The following PHF14 variants were observed in gnomAD, a reference collection of about 807,000 sequenced individuals.
The protein encoded by PHF14 is PHD finger protein 14.
Under a neutral mutation model 117.9 loss-of-function variants are expected in PHF14, and 55 were observed. The observed-to-expected ratio is 0.47, with a 90% CI of 0.38 to 0.58. The LOEUF (loss-of-function observed/expected upper bound fraction) is 0.58. PHF14 is among the 20% of genes least tolerant of loss of function. PHF14 has a pLI of 0.00. For missense variants in PHF14, 978 were observed against 1,122.2 expected (o/e 0.87, Z 1.84); for synonymous variants, 409 against 368.6 (o/e 1.11, Z -1.26).
chr7:11,106,735 ATT>A (rs1330698116), intron 16 of PHF14: 52 of 983,772 alleles, frequency 5.3e-5, no homozygotes, highest in Non-Finnish European at 6.3e-5. Flanking sequence ...TTCAAGACTA[ATT>A]TTTTTGAACA....
At chr7:11,163,102 T>G (rs1009996428) in intron 17 of PHF14, among the ~76,000 whole-genome samples, 1 of 152,144 alleles carries the variant, frequency 6.6e-6, no homozygotes, top group Non-Finnish European at 1.5e-5. Context: ...TAAAGGGAGA[T>G]CTCTTTGATT....
chr7:11,104,431 C>T, intron 16 of PHF14: 4 of 957,424 alleles, frequency 4.2e-6, no homozygotes, highest in Non-Finnish European at 5.0e-6. Context: ...TAAAATTATT[C>T]CGTGTCCATA....
chr7:11,007,191 C>A (rs1000511035), intron 4 of PHF14, among the ~76,000 whole-genome samples: 39 of 151,292 alleles, frequency 2.6e-4, no homozygotes, highest in African/African-American at 9.2e-4. Flanking sequence ...GAAACTCCGT[C>A]TCACAAAAAA....
chr7:10,976,464 G>A (rs989557658), intron 2 of PHF14, among the ~76,000 whole-genome samples: 3 of 152,064 alleles, frequency 2.0e-5, no homozygotes, highest in Non-Finnish European at 2.9e-5. Context: ...TAGTTGGGTC[G>A]TGGAAGTTAC....
chr7:11,125,456 G>C (rs551145916), intron 17 of PHF14, among the ~76,000 whole-genome samples: 25 of 152,138 alleles, frequency 1.6e-4, no homozygotes, highest in African/African-American at 5.8e-4. Context: ...GCTTCTAAGT[G>C]TATTGAGTAT....
chr7:11,079,631 G>A (rs943873951), intron 16 of PHF14, among the ~76,000 whole-genome samples: 3 of 152,112 alleles, frequency 2.0e-5, no homozygotes, highest in African/African-American at 7.2e-5. Flanking sequence ...TAGGATAGAA[G>A]TGTAGGGGAA....
intron 16 of PHF14, among the ~76,000 whole-genome samples, chr7:11,068,216 T>C (rs917699781): frequency 3.3e-5 from 5 of 151,272 alleles, no homozygotes; most frequent in African/African-American, 9.8e-5. Flanking sequence ...TCTGGCATGG[T>C]GGTGGGCACC....
At chr7:10,982,307 GTT>G in intron 2 of PHF14, 63 bp from the exon 3 acceptor site, 1 of 1,025,810 alleles carries the variant, frequency 9.7e-7, no homozygotes, top group Non-Finnish European at 1.4e-6. Context: ...TTGTGTCAGC[GTT>G]GTGTGTGTGT....
intron 10 of PHF14, 62 bp from the exon 11 acceptor site, chr7:11,038,698 G>T: frequency 1.6e-6 from 1 of 613,384 alleles, no homozygotes; most frequent in Non-Finnish European, 2.8e-6. Flanking sequence ...GAATAGAAAT[G>T]TAGATATTTC....
chr7:10,983,033 T>A lies in PHF14; in HGVS notation c.774T>A (p.Asp258Glu). The change falls in exon 3 of 18, where the codon GAT becomes GAA. Residue 258 changes from aspartate (D) to glutamate (E), a missense_variant. Asp to Glu is a conservative substitution (Grantham distance 45). Around this residue, in one of 7 missense-constraint regions of PHF14, gnomAD observed 414 missense variants for 376.4 expected, o/e 1.10. Transcript: ENST00000634607. ...EDENDEGNDEDHSSPASEGGC... is the reference protein window; with the variant it reads ...EDENDEGNDEEHSSPASEGGC... The stretch of plus-strand genomic sequence containing the variant: ...AGAATGATGAAGGCAATGATGAAGA[T>A]CATAGTAGCCCTGCCAGTGAAGGGG... 6.3e-7 allele frequency: 1 copy of A among 1,589,704 alleles called. No homozygotes were observed. Among genetic ancestry groups the A allele is most frequent in the South Asian group, 1.1e-5 (1 of 88,910 alleles).
chr7:10,977,497 A>C (rs1781907776), intron 2 of PHF14, among the ~76,000 whole-genome samples: 1 of 152,162 alleles, frequency 6.6e-6, no homozygotes, highest in East Asian at 1.9e-4. Context: ...AGATAAACAT[A>C]ATTTAACTCT....
intron 2 of PHF14, among the ~76,000 whole-genome samples, chr7:10,975,195 G>A (rs1273152441): frequency 6.6e-6 from 1 of 152,114 alleles, no homozygotes; most frequent in Non-Finnish European, 1.5e-5. Context: ...GGATTTCTCT[G>A]TTTTACACCT....
chr7:11,169,240 C>T (rs1299484773), intron 17 of PHF14, among the ~76,000 whole-genome samples, 176 bp from the exon 18 acceptor site: 3 of 151,978 alleles, frequency 2.0e-5, no homozygotes, highest in Admixed American at 6.6e-5. Context: ...TTAATGTGTT[C>T]TATAAAACAG....
At chr7:11,058,058 C>G (rs1014495216) in intron 14 of PHF14, among the ~76,000 whole-genome samples, 1 of 152,146 alleles carries the variant, frequency 6.6e-6, no homozygotes, top group African/African-American at 2.4e-5. Context: ...AAAGCACATT[C>G]TTGAAAAGTA....
chr7:11,040,253 T>C (rs1159577638), intron 11 of PHF14, among the ~76,000 whole-genome samples: 1 of 152,098 alleles, frequency 6.6e-6, no homozygotes, highest in Non-Finnish European at 1.5e-5. Flanking sequence ...TCACTTGCTT[T>C]GTTGGAGAGT....
At chr7:11,051,992 A>T (rs1784863584) in intron 14 of PHF14, among the ~76,000 whole-genome samples, 1 of 152,124 alleles carries the variant, frequency 6.6e-6, no homozygotes, top group Non-Finnish European at 1.5e-5. Flanking sequence ...TAATATAAGG[A>T]ACACACCAGA....
intron 10 of PHF14, among the ~76,000 whole-genome samples, chr7:11,038,510 T>C (rs1784387194): frequency 6.6e-6 from 1 of 151,182 alleles, no homozygotes; most frequent in South Asian, 2.1e-4. Context: ...ATACAAAAAT[T>C]AGCTGGATGT....
chr7:11,123,609 A>C (rs891333837), intron 17 of PHF14, among the ~76,000 whole-genome samples: 1 of 152,066 alleles, frequency 6.6e-6, no homozygotes, highest in Non-Finnish European at 1.5e-5. Context: ...GTGAAACCAT[A>C]TCTCTACTAA....
intron 8 of PHF14, 145 bp downstream of exon 8, chr7:11,035,931 G>A: frequency 4.5e-6 from 3 of 660,532 alleles, no homozygotes; most frequent in Non-Finnish European, 7.8e-6. Context: ...AAGGTAAATA[G>A]TGAGTATAAT....
Sources: allele counts gnomAD v4.1 joint callset (sites outside exome capture counted in the v4.1 genomes callset), GRCh38; gene constraint gnomAD v4.1.1; regional missense constraint gnomAD v4.1.1; transcripts MANE v1.5; gene names NCBI Gene and HGNC (gene_info 2026-07-23, HGNC 2026-07-21).